NRXN1: variants seen among roughly 807,000 people sequenced by gnomAD.
The protein encoded by NRXN1 is neurexin 1.
Under a neutral mutation model 150.9 loss-of-function variants are expected in NRXN1, and 39 were observed. The ratio of observed to expected loss-of-function variants is 0.26; its 90% CI spans 0.20 to 0.34. The LOEUF (loss-of-function observed/expected upper bound fraction) is 0.34. Among genes scored for constraint, NRXN1 ranks in the 10% least tolerant of loss-of-function variants. The pLI is 1.00. For missense variants in NRXN1, 1,815 were observed against 1,949.9 expected (o/e 0.93, Z 1.30); for synonymous variants, 924 against 757.0 (o/e 1.22, Z -3.62).
chr2:50,880,234 T>C (rs1055226082), intron 5 of NRXN1, among the ~76,000 whole-genome samples: 1 of 151,988 alleles, frequency 6.6e-6, no homozygotes, highest in East Asian at 1.9e-4. Flanking sequence ...TAAAACTTTA[T>C]ATGTTGGCAC....
intron 8 of NRXN1, among the ~76,000 whole-genome samples, chr2:50,556,519 T>TAAAGAG (rs1235889388): frequency 4.7e-4 from 72 of 151,926 alleles, no homozygotes; most frequent in African/African-American, 2.9e-4. Flanking sequence ...TTTTTTTTTT[T>TAAAGAG]TAAAGAGTGA....
chr2:50,752,761 A>T (rs1700745813), intron 5 of NRXN1, among the ~76,000 whole-genome samples: 1 of 151,876 alleles, frequency 6.6e-6, no homozygotes, highest in Non-Finnish European at 1.5e-5. Context: ...TTATTCCAGA[A>T]TCCAGAGGCA....
chr2:50,720,585 G>A (rs568595803), intron 5 of NRXN1, among the ~76,000 whole-genome samples: 1 of 152,166 alleles, frequency 6.6e-6, no homozygotes, highest in African/African-American at 2.4e-5. Context: ...TCTTTCATGG[G>A]ACTTAGTGTT....
chr2:51,024,526 C>A (rs1420943690), intron 2 of NRXN1, among the ~76,000 whole-genome samples: 1 of 152,128 alleles, frequency 6.6e-6, no homozygotes, highest in Non-Finnish European at 1.5e-5. Context: ...ATAACCTTTC[C>A]TGGATTCTCT....
intron 18 of NRXN1, among the ~76,000 whole-genome samples, chr2:50,220,326 A>G (rs1345019516): frequency 6.6e-6 from 1 of 151,888 alleles, no homozygotes; most frequent in Non-Finnish European, 1.5e-5. Flanking sequence ...AGTGTGCATA[A>G]TAACCTTGAT....
intron 8 of NRXN1, among the ~76,000 whole-genome samples, chr2:50,583,702 G>A (rs923094443): frequency 6.6e-6 from 1 of 152,114 alleles, no homozygotes; most frequent in Admixed American, 6.6e-5. Context: ...TATATTCAAG[G>A]TTCACAGAAT....
chr2:50,692,224 T>C (rs1489673167), intron 5 of NRXN1, among the ~76,000 whole-genome samples: 1 of 152,190 alleles, frequency 6.6e-6, no homozygotes, highest in Non-Finnish European at 1.5e-5. Context: ...GCAGGCTCTA[T>C]TTCATAAATG....
At chr2:50,466,747 T>C (rs2088914012) in intron 16 of NRXN1, among the ~76,000 whole-genome samples, 1 of 151,790 alleles carries the variant, frequency 6.6e-6, no homozygotes, top group Non-Finnish European at 1.5e-5. Context: ...TGACATGTAA[T>C]GAAGGAAAAT....
intron 16 of NRXN1, among the ~76,000 whole-genome samples, chr2:50,466,873 C>T (rs2088933116): frequency 6.6e-6 from 1 of 151,680 alleles, no homozygotes; most frequent in Admixed American, 6.6e-5. Flanking sequence ...ACAGTGTAGA[C>T]TATGATCAGT....
intron 5 of NRXN1, among the ~76,000 whole-genome samples, chr2:50,897,816 T>G (rs144692408): frequency 0.015 from 2,323 of 152,324 alleles, 26 homozygotes; most frequent in South Asian, 0.036. Flanking sequence ...ATGTTCTGTA[T>G]CTTGGTTGCA....
intron 18 of NRXN1, among the ~76,000 whole-genome samples, chr2:50,124,689 T>A (rs554102542): frequency 6.6e-6 from 1 of 152,272 alleles, no homozygotes; most frequent in Non-Finnish European, 1.5e-5. Context: ...CCTGCAATTT[T>A]GACTTTTCTA....
At chr2:50,357,556 C>T (rs1371141283) in intron 17 of NRXN1, among the ~76,000 whole-genome samples, 1 of 152,076 alleles carries the variant, frequency 6.6e-6, no homozygotes, top group African/African-American at 2.4e-5. Context: ...GATCCACTCA[C>T]CTCGGCCTCC....
chr2:50,340,440 C>T (rs1483470218), intron 17 of NRXN1, among the ~76,000 whole-genome samples: 5 of 152,108 alleles, frequency 3.3e-5, no homozygotes, highest in South Asian at 4.1e-4. Context: ...ACCTCAGTTG[C>T]GAGACAAGTA....
chr2:50,891,695 G>GA (rs1023588557), intron 5 of NRXN1, among the ~76,000 whole-genome samples: 3 of 152,174 alleles, frequency 2.0e-5, no homozygotes, highest in South Asian at 2.1e-4. Flanking sequence ...TATACTACCA[G>GA]AAAAAACTTA....
At chr2:49,937,441 G>A (rs1572935143) in intron 22 of NRXN1, among the ~76,000 whole-genome samples, 3 of 152,264 alleles carry the variant, frequency 2.0e-5, no homozygotes, top group Admixed American at 1.3e-4. Flanking sequence ...AGAAAAGCAG[G>A]GGAAAAGTGA....
intron 5 of NRXN1, among the ~76,000 whole-genome samples, chr2:50,791,338 T>C (rs1050086046): frequency 9.2e-5 from 13 of 140,714 alleles, no homozygotes; most frequent in African/African-American, 3.6e-4. Context: ...AAAAAATCCT[T>C]AGCTTTGACT....
At chr2:51,031,546 C>G (rs1394734919) in intron 1 of NRXN1, among the ~76,000 whole-genome samples, 2 of 152,122 alleles carry the variant, frequency 1.3e-5, no homozygotes, top group Non-Finnish European at 2.9e-5. Context: ...TACCAATGCA[C>G]AGCCAAAATT....
intron 8 of NRXN1, among the ~76,000 whole-genome samples, chr2:50,569,581 C>T (rs1367307820): frequency 6.6e-6 from 1 of 151,928 alleles, no homozygotes; most frequent in Non-Finnish European, 1.5e-5. Context: ...TGATGACTCG[C>T]CATTGAAATA....
intron 21 of NRXN1, among the ~76,000 whole-genome samples, chr2:49,995,365 T>C (rs1205730614): frequency 6.6e-6 from 1 of 152,242 alleles, no homozygotes; most frequent in Non-Finnish European, 1.5e-5. Flanking sequence ...TGAAATTTTG[T>C]TTCCTCTTTT....
Sources: allele counts gnomAD v4.1 joint callset (sites outside exome capture counted in the v4.1 genomes callset), GRCh38; gene constraint gnomAD v4.1.1; transcripts MANE v1.5; gene names NCBI Gene and HGNC (gene_info 2026-07-23, HGNC 2026-07-21).